The following RABGAP1L variants were observed in gnomAD, a reference collection of about 807,000 sequenced individuals.
RABGAP1L encodes rab GTPase-activating protein 1-like.
Under a neutral mutation model 137.7 loss-of-function variants are expected in RABGAP1L, and 63 were observed. That is an observed-to-expected ratio of 0.46 (90% CI 0.37 to 0.56). The LOEUF is 0.56. RABGAP1L is among the 20% of genes least tolerant of loss of function. The pLI, the probability that RABGAP1L is intolerant of heterozygous loss-of-function variation, is 0.00. For missense variants in RABGAP1L, 1,095 were observed against 1,244.0 expected (o/e 0.88, Z 1.80); for synonymous variants, 431 against 433.7 (o/e 0.99, Z 0.08).
At chr1:174,374,224 A>G (rs1685331204) in intron 12 of RABGAP1L, among the ~76,000 whole-genome samples, 1 of 152,160 alleles carries the variant, frequency 6.6e-6, no homozygotes, top group African/African-American at 2.4e-5. Context: ...GGGAAGGCTT[A>G]GGAATTTACA....
chr1:174,549,105 C>T (rs1243547091), intron 13 of RABGAP1L, among the ~76,000 whole-genome samples: 2 of 152,140 alleles, frequency 1.3e-5, no homozygotes, highest in African/African-American at 4.8e-5. Context: ...TTAATTTCCT[C>T]AGATTCATCT....
intron 19 of RABGAP1L, chr1:174,875,474 T>A: frequency 3.1e-6 from 3 of 968,614 alleles, no homozygotes; most frequent in Non-Finnish European, 3.7e-6. Flanking sequence ...AGTAAGGCAT[T>A]GTGGGAAGTA....
intron 19 of RABGAP1L, among the ~76,000 whole-genome samples, chr1:174,849,003 G>C (rs1290831580): frequency 1.3e-5 from 2 of 151,738 alleles, no homozygotes; most frequent in African/African-American, 4.8e-5. Flanking sequence ...AGGTGCGTCC[G>C]TCACCGCTTT....
intron 14 of RABGAP1L, among the ~76,000 whole-genome samples, chr1:174,644,321 G>A (rs1369205278): frequency 6.6e-6 from 1 of 151,912 alleles, no homozygotes; most frequent in Non-Finnish European, 1.5e-5. Context: ...TTTAGTTTCT[G>A]TGAAGCCTGT....
rs61249400 is a variant in RABGAP1L, at chr1:174,506,945, C to CA, written c.1710+112808dup. Among the ~76,000 whole-genome samples, 5 of 151,910 alleles carry CA rather than the reference C, an allele frequency of 3.3e-5. No individual in the cohort carries two copies. In the East Asian group the frequency reaches 7.7e-4, roughly 23 times the overall value. ...GCAACATGGCGAAACCTCATCTCTA[C>CA]AAAAAAAATACAAAAATTAGCTGGA... On this transcript the variant is annotated intron_variant, in intron 13 of 25. Transcript: ENST00000681986.
rs374872699 is a variant in RABGAP1L, at chr1:174,676,497, T to C, written c.1825-7025T>C. On this transcript the variant is annotated intron_variant, in intron 14 of 25. Transcript: ENST00000681986. ...AAGCAAAAACAAAGCAAACTGAAGT[T>C]TTCCCTGGATTGAAGCAGCCGATCA... 2.6e-3 allele frequency among the ~76,000 whole-genome samples: 397 copies of C among 152,336 alleles called. 27 individuals are homozygous for C. The South Asian group carries it at 0.081, about 31-fold the overall frequency.
At chr1:174,178,567 G>A (rs536262272) in intron 1 of RABGAP1L, among the ~76,000 whole-genome samples, 1 of 152,260 alleles carries the variant, frequency 6.6e-6, no homozygotes, top group Non-Finnish European at 1.5e-5. Flanking sequence ...CAATAGCAAA[G>A]ACTTGGAATG....
At chr1:174,325,389 A>AC (rs2148841113) in intron 11 of RABGAP1L, among the ~76,000 whole-genome samples, 1 of 152,274 alleles carries the variant, frequency 6.6e-6, no homozygotes, top group East Asian at 1.9e-4. Context: ...CACTGATAGT[A>AC]CCCCCACAAA....
intron 13 of RABGAP1L, among the ~76,000 whole-genome samples, chr1:174,523,709 A>G (rs1288480967): frequency 6.6e-6 from 1 of 152,140 alleles, no homozygotes; most frequent in Non-Finnish European, 1.5e-5. Context: ...GTGTAGTCTA[A>G]TATCTAGTGT....
chr1:174,161,539 C>T (rs1452076164), intron 1 of RABGAP1L, among the ~76,000 whole-genome samples: 3 of 152,130 alleles, frequency 2.0e-5, no homozygotes, highest in East Asian at 3.8e-4. Context: ...AGCGCCCGGC[C>T]TCTGATGTGT....
Position 174,976,177 on chromosome 1 carries a change from G to A in RABGAP1L, c.2644G>A (p.Ala882Thr). 6.5e-7 allele frequency: 1 copy of A among 1,548,096 alleles called. No homozygotes were observed. Among genetic ancestry groups the A allele is most frequent in the Non-Finnish European group, 8.7e-7 (1 of 1,144,632 alleles). ...EEKRKQEEET[A>T]QLKEVFRKQL... ...GAAGAGGAAGCAAGAGGAAGAGACT[G>A]CCCAGGTAAAAGGAATAATATGTAG... Residue 882 changes from alanine to threonine, a missense_variant, in exon 22 of 26, where the codon GCC becomes ACC. Physicochemically the swap from Ala to Thr is moderately conservative, Grantham distance 58. Around this residue, in one of 4 missense-constraint regions of RABGAP1L, gnomAD observed 312 missense variants for 435.6 expected, o/e 0.72. Coordinates refer to ENST00000681986, the MANE Select transcript of RABGAP1L (RefSeq NM_001366446.1).
Position 174,438,553 on chromosome 1 carries a change from A to T in RABGAP1L, c.1710+44408A>T, listed in dbSNP as rs572000673. The stretch of plus-strand genomic sequence containing the variant: ...GTCAACATAGTGAAACCCCATCTGT[A>T]CTAAAAATATAAAAATTAGCCAGGC... On this transcript the variant is annotated intron_variant, in intron 13 of 25. Transcript: ENST00000681986. Among the ~76,000 whole-genome samples the T allele has an allele frequency of 2.0e-3, 297 of 151,524 alleles. 1 individual carries two copies. Among genetic ancestry groups the T allele is most frequent in the African/African-American group, 6.8e-3 (281 of 41,272 alleles).
intron 19 of RABGAP1L, among the ~76,000 whole-genome samples, chr1:174,857,199 A>G (rs937644927): frequency 2.6e-5 from 4 of 152,158 alleles, no homozygotes; most frequent in Non-Finnish European, 4.4e-5. Flanking sequence ...CTTTGTTCAG[A>G]GCTGTAAAAT....
intron 10 of RABGAP1L, among the ~76,000 whole-genome samples, chr1:174,299,941 G>A (rs1476063345): frequency 6.6e-6 from 1 of 152,146 alleles, no homozygotes; most frequent in Non-Finnish European, 1.5e-5. Flanking sequence ...AATTGTCTGT[G>A]AGTAGCAAAA....
chr1:174,296,092 A>G (rs1394501710), intron 10 of RABGAP1L, among the ~76,000 whole-genome samples: 1 of 152,338 alleles, frequency 6.6e-6, no homozygotes, highest in East Asian at 1.9e-4. Context: ...GGGTAAAATC[A>G]TAAGAACATG....
At chr1:174,321,938 T>G (rs1680031260) in intron 11 of RABGAP1L, among the ~76,000 whole-genome samples, 1 of 152,240 alleles carries the variant, frequency 6.6e-6, no homozygotes, top group South Asian at 2.1e-4. Context: ...ATTTGTAAAT[T>G]CTGTTACTTG....
chr1:174,706,259 GT>G (rs1680038398), intron 17 of RABGAP1L, among the ~76,000 whole-genome samples: 1 of 152,074 alleles, frequency 6.6e-6, no homozygotes, highest in South Asian at 2.1e-4. Context: ...ATTATTAATA[GT>G]TTTATTTAAA....
At chr1:174,504,870 T>A (rs1661670411) in intron 13 of RABGAP1L, among the ~76,000 whole-genome samples, 1 of 152,060 alleles carries the variant, frequency 6.6e-6, no homozygotes, top group Non-Finnish European at 1.5e-5. Flanking sequence ...GGTAGACAAA[T>A]AGAATTGAAT....
intron 13 of RABGAP1L, chr1:174,548,474 A>G: frequency 2.1e-6 from 2 of 936,840 alleles, no homozygotes; most frequent in Non-Finnish European, 2.5e-6. Flanking sequence ...AAGATTGGAG[A>G]TAAATTTTAT....
Sources: gnomAD v4.1 joint callset for allele counts (sites outside exome capture counted in the v4.1 genomes callset) on GRCh38, gnomAD v4.1.1 for gene constraint, gnomAD v4.1.1 regional missense constraint, MANE v1.5 for transcripts, NCBI Gene and HGNC (gene_info 2026-07-23, HGNC 2026-07-21) for gene names.